The following MYBPC1 variants were observed in gnomAD, a reference collection of about 807,000 sequenced individuals.
MYBPC1 encodes myosin-binding protein C, slow-type.
In MYBPC1, 52 loss-of-function variants were observed where a neutral mutation model predicts 147.1. The observed-to-expected ratio is 0.35, with a 90% CI of 0.28 to 0.45. The LOEUF (loss-of-function observed/expected upper bound fraction) is 0.45. Ranked by LOEUF, MYBPC1 falls within the 20% of genes least tolerant of loss-of-function variation. The probability of loss-of-function intolerance (pLI) is 1.00; values close to 1 mark genes in which losing one functional copy is unlikely to be tolerated. For synonymous variants in MYBPC1, 477 were observed against 475.9 expected (o/e 1.00, Z -0.03); for missense variants, 1,228 against 1,440.3 (o/e 0.85, Z 2.39).
intron 12 of MYBPC1, 72 bp downstream of exon 12, chr12:101,644,868 C>T (rs1892740241): frequency 2.2e-6 from 3 of 1,390,696 alleles, no homozygotes; most frequent in Non-Finnish European, 3.0e-6. Context: ...ACTGACTTTT[C>T]TGAGAATAAA....
chr12:101,634,442 C>G (rs1241355978), intron 8 of MYBPC1, 112 bp from the exon 9 acceptor site: 6 of 862,830 alleles, frequency 7.0e-6, no homozygotes, highest in Middle Eastern at 2.2e-4. Flanking sequence ...AAAAGCCTCC[C>G]CCCTTCACCT....
the MYBPC1 span, among the ~76,000 whole-genome samples, chr12:101,691,143 C>T: frequency 6.6e-6 from 1 of 152,184 alleles, no homozygotes; most frequent in Non-Finnish European, 1.5e-5. Context: ...ATGATCTGGG[C>T]TCACTGTATC....
chr12:101,603,624 C>A (rs1218430295), intron 1 of MYBPC1, among the ~76,000 whole-genome samples: 1 of 152,134 alleles, frequency 6.6e-6, no homozygotes, highest in African/African-American at 2.4e-5. Flanking sequence ...AGAAATTTAT[C>A]CTATAACCCT....
rs1309490190 is a variant in MYBPC1 at position 101,632,142 on chromosome 12, A to G, written c.556+4A>G. The G allele has an allele frequency of 6.3e-7, 1 of 1,590,560 alleles. No homozygotes were observed. The highest frequency in any genetic ancestry group is 8.6e-7 in the Non-Finnish European group (1 of 1,158,596). On this transcript the variant is annotated splice_donor_region_variant and intron_variant, in intron 8 of 31. Transcript: ENST00000361466. ...TCATTTGATCTTGAAGTGCACGGTA[A>G]GAGAGCCTTCTTGCCTAGATAAATG...
intron 23 of MYBPC1, chr12:101,670,074 A>G (rs925601413): frequency 1.7e-6 from 1 of 579,818 alleles, no homozygotes; most frequent in African/African-American, 1.9e-5. Flanking sequence ...CAAGGATGTC[A>G]GGGATAAATT....
chr12:101,616,520 A>G (rs746275845), intron 2 of MYBPC1, among the ~76,000 whole-genome samples: 1 of 152,182 alleles, frequency 6.6e-6, no homozygotes, highest in Non-Finnish European at 1.5e-5. Flanking sequence ...CATCAGTCCG[A>G]AAAAAGAGAA....
intron 4 of MYBPC1, among the ~76,000 whole-genome samples, chr12:101,627,534 C>G (rs942979610): frequency 1.3e-5 from 2 of 152,232 alleles, no homozygotes; most frequent in South Asian, 4.2e-4. Flanking sequence ...TGAACCACCG[C>G]CCCCAGCTGG....
chr12:101,678,007 A>G (rs1195914916), intron 27 of MYBPC1, 95 bp from the exon 28 acceptor site: 5 of 1,436,492 alleles, frequency 3.5e-6, no homozygotes. Context: ...TTCTAAGTTC[A>G]GGGAAGTTTT....
rs1207085497 is a variant in MYBPC1 at position 101,649,305 on chromosome 12, C to T, written c.1242C>T (p.Tyr414=). ...TTATCCCTGGTCCAAAATCAAGATA[C>T]CGAATTAGAGTTGAGGGTAAAAAAC... ...EEIIPGPKSR[Y]RIRVEGKKHI... The change falls in exon 15 of 32, where the codon TAC becomes TAT. Residue 414 remains tyrosine (Y), a synonymous_variant. Transcript: ENST00000361466. 1.2e-6 allele frequency: 2 copies of T among 1,613,628 alleles called. No individual in the cohort carries two copies. The highest frequency in any genetic ancestry group is 1.7e-6 in the Non-Finnish European group (2 of 1,179,746).
At chr12:101,674,884 A>AT (rs1899560712) in intron 25 of MYBPC1, among the ~76,000 whole-genome samples, 2 of 148,786 alleles carry the variant, frequency 1.3e-5, no homozygotes, top group Non-Finnish European at 3.0e-5. Flanking sequence ...AAAAAAAAAA[A>AT]GGAAAGAAAG....
At chr12:101,612,658 C>T (rs1884698465) in intron 1 of MYBPC1, among the ~76,000 whole-genome samples, 2 of 152,298 alleles carry the variant, frequency 1.3e-5, no homozygotes, top group Admixed American at 6.5e-5. Flanking sequence ...AGAAACTTGT[C>T]TGTAGACAGA....
chr12:101,662,536 T>G lies in MYBPC1; in HGVS notation c.2211T>G (p.Phe737Leu). ...ISKPSMPSRP[F>L]VPLAVTSPPT... is the part of the protein sequence containing the mutation. ...AGCCCAGTATGCCCTCCAGGCCTTT[T>G]GTTCCTTTGGGTAAGTCAAGAGAGA... Residue 737 changes from phenylalanine to leucine, a missense_variant, in exon 21 of 32, where the codon TTT (phenylalanine) becomes TTG (leucine). Transcript: ENST00000361466. The G allele has an allele frequency of 6.2e-7, 1 of 1,614,160 alleles. No individual in the cohort carries two copies. The highest frequency in any genetic ancestry group is 8.5e-7 in the Non-Finnish European group (1 of 1,179,978).
At chr12:101,646,668 AACACT>A in intron 12 of MYBPC1, 90 bp from the exon 13 acceptor site, 1 of 1,427,670 alleles carries the variant, frequency 7.0e-7, no homozygotes, top group Non-Finnish European at 9.8e-7. Flanking sequence ...TTGACTTTCA[AACACT>A]ACCAAATTAT....
At position 101,642,475 on chromosome 12, in the gene MYBPC1, A is replaced by G; in HGVS notation, c.722A>G (p.Asn241Ser). The change falls in exon 11 of 32, where the codon AAC becomes AGC. Residue 241 changes from asparagine to serine, a missense_variant. Physicochemically the swap from Asn to Ser is conservative, Grantham distance 46 (BLOSUM62 1). Coordinates refer to ENST00000361466, the MANE Select transcript of MYBPC1 (RefSeq NM_002465.4). The part of the protein sequence containing the change: ...PQVDVWELLK[N>S]AKPSEYEKIA... ...GTGGACGTATGGGAGTTGCTGAAGA[A>G]CGCGAAACCCAGTGAGTACGAGAAG... 1 of 1,614,084 alleles carries G rather than the reference A, an allele frequency of 6.2e-7. No individual in the cohort carries two copies. Among genetic ancestry groups the G allele is most frequent in the Non-Finnish European group, 8.5e-7 (1 of 1,180,024 alleles).
At chr12:101,687,069 A>C (rs2251298), downstream of MYBPC1, among the ~76,000 whole-genome samples, 1 of 151,644 alleles carries the variant, frequency 6.6e-6, no homozygotes, top group African/African-American at 2.4e-5. Flanking sequence ...CATTGTTTTT[A>C]TATATATATA....
the MYBPC1 span, among the ~76,000 whole-genome samples, chr12:101,695,203 T>C: frequency 6.6e-6 from 1 of 152,192 alleles, no homozygotes; most frequent in Non-Finnish European, 1.5e-5. Flanking sequence ...TCCAGAGACA[T>C]ATTCCAAGAC....
downstream of MYBPC1, among the ~76,000 whole-genome samples, chr12:101,687,725 C>T (rs6539008): frequency 0.81 from 123,527 of 152,096 alleles, 50,458 homozygotes; most frequent in African/African-American, 0.9. Context: ...GTGCAGCAGC[C>T]GAGCTGGCTG....
At chr12:101,693,737 CTAAATAAA>C in the MYBPC1 span, among the ~76,000 whole-genome samples, 5 of 101,934 alleles carry the variant, frequency 4.9e-5, no homozygotes, top group African/African-American at 1.5e-4. Context: ...GAATCTGTCT[CTAAATAAA>C]TAAATAAATA....
At chr12:101,680,714 ATTCAC>A (rs879694256) in intron 29 of MYBPC1, among the ~76,000 whole-genome samples, 185 bp downstream of exon 29, 4 of 152,296 alleles carry the variant, frequency 2.6e-5, no homozygotes, top group African/African-American at 4.8e-5. Flanking sequence ...TACATCCTGC[ATTCAC>A]TTCACTTTAT....
Sources: gnomAD v4.1 joint callset for allele counts (sites outside exome capture counted in the v4.1 genomes callset) on GRCh38, gnomAD v4.1.1 for gene constraint, MANE v1.5 for transcripts, NCBI Gene and HGNC (gene_info 2026-07-23, HGNC 2026-07-21) for gene names.